The following RABGAP1L variants were observed in gnomAD, a reference collection of about 807,000 sequenced individuals.
RABGAP1L encodes the protein RAB GTPase activating protein 1 like.
A neutral mutation model predicts 137.7 loss-of-function variants in RABGAP1L; 63 were observed. The ratio of observed to expected loss-of-function variants is 0.46; its 90% confidence interval spans 0.37 to 0.56. The LOEUF (loss-of-function observed/expected upper bound fraction) is 0.56, where lower values mean the gene tolerates loss of function less well. Ranked by LOEUF, RABGAP1L falls within the 20% of genes least tolerant of loss-of-function variation. RABGAP1L has a pLI of 0.00. For synonymous variants in RABGAP1L, 431 were observed against 433.7 expected, an observed-to-expected ratio of 0.99 and a Z score of 0.08; for missense variants, 1,095 against 1,244.0, an observed-to-expected ratio of 0.88 and a Z score of 1.80.
At position 174,647,135 on chromosome 1, in the gene RABGAP1L, T is replaced by C. The variant is rs1273475300; in HGVS notation, c.1824+9647T>C. ...GAGACAGTGGGGTTTTCTAAATATA[T>C]AATCATGTCATCTGCAAACAGAGAA... On this transcript the variant is annotated intron_variant, in intron 14 of 25. Coordinates refer to ENST00000681986, the MANE Select transcript of RABGAP1L (RefSeq NM_001366446.1). Among the ~76,000 whole-genome samples, 8 of 152,234 alleles carry C rather than the reference T, an allele frequency of 5.3e-5. No homozygotes were observed. The East Asian group carries it at 1.5e-3, about 29-fold the overall frequency.
intron 1 of RABGAP1L, among the ~76,000 whole-genome samples, chr1:174,160,914 C>A (rs979812480): frequency 6.6e-6 from 1 of 152,190 alleles, no homozygotes; most frequent in Non-Finnish European, 1.5e-5. Context: ...TACTGGTTCA[C>A]AAGCTCCTAG....
At chr1:174,248,961 C>G (rs1189344344) in intron 5 of RABGAP1L, among the ~76,000 whole-genome samples, 1 of 152,070 alleles carries the variant, frequency 6.6e-6, no homozygotes. Flanking sequence ...TATGCGTGGG[C>G]TGAGAGATTT....
At chr1:174,272,512 A>G (rs1266832935) in intron 8 of RABGAP1L, 32 bp downstream of exon 8, 1 of 1,461,312 alleles carries the variant, frequency 6.8e-7, no homozygotes, top group Non-Finnish European at 9.0e-7. Flanking sequence ...TTAACCAAGT[A>G]TAGATGATAG....
chr1:174,298,888 T>A (rs1364707432), intron 10 of RABGAP1L, among the ~76,000 whole-genome samples: 5 of 152,236 alleles, frequency 3.3e-5, no homozygotes. Context: ...TACCCATCCC[T>A]TTTGTTCTTT....
chr1:174,249,200 A>G (rs1672510977), intron 5 of RABGAP1L, among the ~76,000 whole-genome samples: 2 of 152,220 alleles, frequency 1.3e-5, no homozygotes, highest in Admixed American at 6.5e-5. Flanking sequence ...AATAGAATAG[A>G]TAAGAATAAG....
chr1:174,894,172 C>T (rs1479717834), intron 19 of RABGAP1L, among the ~76,000 whole-genome samples: 2 of 152,210 alleles, frequency 1.3e-5, no homozygotes, highest in Non-Finnish European at 2.9e-5. Context: ...GATAATTCCT[C>T]TAAATAGTTA....
chr1:174,170,466 A>G (rs1187875209), intron 1 of RABGAP1L, among the ~76,000 whole-genome samples: 1 of 152,036 alleles, frequency 6.6e-6, no homozygotes, highest in Non-Finnish European at 1.5e-5. Context: ...TCACGAGGTC[A>G]GGAGATTGAG....
chr1:174,262,818 C>T (rs77406062), intron 7 of RABGAP1L, among the ~76,000 whole-genome samples: 3,381 of 152,342 alleles, frequency 0.022, 58 homozygotes, highest in Middle Eastern at 0.085. Context: ...ATTAATGGAG[C>T]TTTAAACATT....
intron 13 of RABGAP1L, among the ~76,000 whole-genome samples, chr1:174,617,852 A>C (rs1210229058): frequency 6.6e-6 from 1 of 151,612 alleles, no homozygotes; most frequent in Non-Finnish European, 1.5e-5. Context: ...ATCTCACTGG[A>C]GAGTGTCAGA....
At chr1:174,172,142 CCTT>C (rs1387227563) in intron 1 of RABGAP1L, among the ~76,000 whole-genome samples, 1 of 136,860 alleles carries the variant, frequency 7.3e-6, no homozygotes, top group Admixed American at 7.1e-5. Flanking sequence ...GACAGTATCT[CCTT>C]TTTTTTTTTT....
Position 174,384,561 on chromosome 1 carries a change from A to T in RABGAP1L, c.1560-9434A>T, listed in dbSNP as rs191274152. 2.9e-3 allele frequency among the ~76,000 whole-genome samples: 434 copies of T among 152,202 alleles called. 5 individuals are homozygous for T. Among genetic ancestry groups the T allele is most frequent in the African/African-American group, 0.01 (416 of 41,552 alleles). On this transcript the variant is annotated intron_variant, in intron 12 of 25. Coordinates refer to ENST00000681986, the MANE Select transcript of RABGAP1L (RefSeq NM_001366446.1). ...AAAGAAATTTATGTCTTATACATAG[A>T]TGGCTATTTGAAGTGTGTTCTTTTC...
intron 13 of RABGAP1L, among the ~76,000 whole-genome samples, chr1:174,415,599 CA>C (rs1359018062): frequency 1.3e-5 from 2 of 151,996 alleles, no homozygotes; most frequent in Non-Finnish European, 2.9e-5. Context: ...TTGATACCTG[CA>C]AAAATGATGT....
intron 18 of RABGAP1L, among the ~76,000 whole-genome samples, chr1:174,785,359 C>G (rs543044250): frequency 1.3e-5 from 2 of 152,354 alleles, no homozygotes; most frequent in South Asian, 4.1e-4. Context: ...CCACTGCACT[C>G]ACCCTGAGTG....
chr1:174,455,649 G>A (rs950157117), intron 13 of RABGAP1L, among the ~76,000 whole-genome samples: 9 of 152,030 alleles, frequency 5.9e-5, no homozygotes, highest in African/African-American at 2.2e-4. Flanking sequence ...TTAGTAGATG[G>A]CGTATTTTTA....
At chr1:174,800,500 G>A (rs1290425327) in intron 18 of RABGAP1L, 3 of 1,550,012 alleles carry the variant, frequency 1.9e-6, no homozygotes, top group Non-Finnish European at 1.7e-6. Context: ...GGCTTCTGGC[G>A]GTGAGATTGT....
chr1:174,372,510 T>C (rs1032018306), intron 12 of RABGAP1L, among the ~76,000 whole-genome samples: 3 of 152,146 alleles, frequency 2.0e-5, no homozygotes, highest in African/African-American at 7.2e-5. Flanking sequence ...ACAAAAGGGA[T>C]GTTAACCTAT....
At chr1:174,581,136 T>C (rs1384063238) in intron 13 of RABGAP1L, among the ~76,000 whole-genome samples, 1 of 152,172 alleles carries the variant, frequency 6.6e-6, no homozygotes, top group Non-Finnish European at 1.5e-5. Context: ...ATTAGATATA[T>C]AGTTACCATA....
Position 174,850,320 on chromosome 1 carries a change from A to C in RABGAP1L, c.2340+38360A>C, listed in dbSNP as rs541344662. Among the ~76,000 whole-genome samples the C allele has an allele frequency of 1.2e-4, 18 of 152,336 alleles. No homozygotes were observed. The East Asian group carries it at 3.3e-3, about 28-fold the overall frequency. ...AAACCTTTCAGGAATAAATCAACTC[A>C]GTCTTCCCAAATACATATGCTTTAA... On this transcript the variant is annotated intron_variant, in intron 19 of 25. Transcript: ENST00000681986.
intron 3 of RABGAP1L, among the ~76,000 whole-genome samples, chr1:174,221,994 A>ATT (rs561413366): frequency 6.9e-5 from 10 of 144,302 alleles, no homozygotes; most frequent in Admixed American, 6.9e-5. Flanking sequence ...TGCCTAGCTA[A>ATT]TTTTTTTTTT....
Sources: allele counts gnomAD v4.1 joint callset (sites outside exome capture counted in the v4.1 genomes callset), GRCh38; gene constraint gnomAD v4.1.1; transcripts MANE v1.5; gene names NCBI Gene and HGNC (gene_info 2026-07-23, HGNC 2026-07-21).